FBF1: variants seen among roughly 807,000 people sequenced by gnomAD.
FBF1 encodes fas-binding factor 1.
In FBF1, 119 loss-of-function variants were observed where a neutral mutation model predicts 147.2. The observed-to-expected ratio is 0.81, with a 90% CI of 0.70 to 0.94. The LOEUF (loss-of-function observed/expected upper bound fraction) is 0.94, where lower values mean the gene tolerates loss of function less well. Ranked by LOEUF, FBF1 falls within the 40% of genes least tolerant of loss-of-function variation. FBF1 has a pLI of 0.00. For missense variants in FBF1, 1,449 were observed against 1,500.8 expected (o/e 0.97, Z 0.57); for synonymous variants, 601 against 609.0 (o/e 0.99, Z 0.19).
In FBF1 at chr17:75,920,273, C is replaced by G. The variant is rs545772774; in HGVS notation, c.1830+1G>C. On this transcript the variant is annotated splice_donor_variant, in intron 18 of 29. Transcript: ENST00000636174. LOFTEE classifies it high-confidence loss of function. The stretch of plus-strand genomic sequence containing the variant: ...GCACCAACGGCCCCGCTGCCCCTCA[C>G]CTGGGCCTCCAGCTCTGCCAGCCGG... 1.2e-6 allele frequency: 2 copies of G among 1,608,936 alleles called. No homozygotes were observed. The highest frequency in any genetic ancestry group is 1.7e-6 in the Non-Finnish European group (2 of 1,177,862).
Position 75,919,794 on chromosome 17 carries a change from C to G in FBF1, c.2012G>C (p.Arg671Pro), listed in dbSNP as rs201543003. Residue 671 changes from arginine to proline, a missense_variant, in exon 20 of 30, where the codon CGG becomes CCG. Physicochemically the swap from Arg to Pro is moderately radical, Grantham distance 103 (BLOSUM62 -2). Coordinates refer to ENST00000636174, the MANE Select transcript of FBF1 (RefSeq NM_001319193.2). The surrounding 1 kb of genome is among the most constrained non-coding windows in gnomAD (Gnocchi z 5.0). ...LRRENEELSA[R>P]YLSQCQEAEQ... ...GGCCTCCTGGCACTGCGACAGATAC[C>G]GAGCTGACAGCTCTTCGTTCTCTCT... 3 of 1,613,768 alleles carry G rather than the reference C, an allele frequency of 1.9e-6. No homozygotes were observed. The highest frequency in any genetic ancestry group is 1.6e-4 in the Middle Eastern group (1 of 6,062).
intron 1 of FBF1, among the ~76,000 whole-genome samples, chr17:75,940,333 C>A (rs964212729): frequency 2.0e-5 from 3 of 151,850 alleles, no homozygotes; most frequent in Non-Finnish European, 4.4e-5. Context: ...CTTACTGCAG[C>A]CTCGACCTCC....
chr17:75,910,207 A>C lies in FBF1; in HGVS notation c.*516T>G. 1 of 376,674 alleles carries C rather than the reference A, an allele frequency of 2.7e-6. No homozygotes were observed. The highest frequency in any genetic ancestry group is 5.2e-6 in the Non-Finnish European group (1 of 193,508). 23.3% of individuals were successfully genotyped at this position (376,674 alleles called of 1,614,324 possible). A position where few individuals can be genotyped will look rare whatever the true frequency, so the allele number is the denominator to read the frequency against. ...CCAGGAACATCTCACACCACAAGGG[A>C]GGATCTAGCTGGTGCCCTCCCTGTA... On this transcript the variant is annotated 3_prime_UTR_variant, in exon 30 of 30. Transcript: ENST00000636174. The surrounding 1 kb of genome is among the most constrained non-coding windows in gnomAD (Gnocchi z 4.1).
In FBF1 at chr17:75,921,256, G is replaced by A. The variant is rs199995591; in HGVS notation, c.1662C>T (p.Ser554=). ...FPSTQKPTEP[S]VPVQPLLPES... Reference sequence around the variant, plus strand: ...CCCACACCCCTACCTGGACGGGCACGGAAGGCTCTGTGGGTTTCTGGGTGC... The same window carrying A: ...CCCACACCCCTACCTGGACGGGCACAGAAGGCTCTGTGGGTTTCTGGGTGC... The change falls in exon 17 of 30, where the codon TCC becomes TCT. Residue 554 remains serine, a synonymous_variant. Coordinates refer to ENST00000636174, the MANE Select transcript of FBF1 (RefSeq NM_001319193.2). 64 of 1,589,778 alleles carry A rather than the reference G, an allele frequency of 4.0e-5. 1 individual carries two copies. In the Admixed American group the frequency reaches 5.5e-4, roughly 14 times the overall value.
At chr17:75,929,945 A>AGGGGGGGCCCC in intron 7 of FBF1, 52 bp downstream of exon 7, 1 of 650,910 alleles carries the variant, frequency 1.5e-6, no homozygotes, top group Non-Finnish European at 2.8e-6. Context: ...AAATATCATG[A>AGGGGGGGCCCC]CCCCACCCCA....
At position 75,927,418 on chromosome 17, in the gene FBF1, C is replaced by T. The variant is rs781706386; in HGVS notation, c.475+37G>A. 10 of 1,547,438 alleles carry T rather than the reference C, an allele frequency of 6.5e-6. No homozygotes were observed. In the East Asian group the frequency reaches 2.4e-4, roughly 37 times the overall value. ...TGCCTAGGCTGCTCCACTCCCAAAC[C>T]AGAGTGTCCCAGAGGCATGACAGGA... On this transcript the variant is annotated intron_variant, in intron 9 of 29. Transcript: ENST00000636174.
Position 75,923,506 on chromosome 17 carries a change from G to C in FBF1, c.1104C>G (p.Asp368Glu). Residue 368 changes from aspartate (D) to glutamate (E), a missense_variant, in exon 14 of 30, where the codon GAC becomes GAG. Coordinates refer to ENST00000636174, the MANE Select transcript of FBF1 (RefSeq NM_001319193.2). The surrounding 1 kb of genome is among the most constrained non-coding windows in gnomAD (Gnocchi z 4.1). ...DWLGLKDEDLDLFPASPTREA... is the reference protein window; with the variant it reads ...DWLGLKDEDLELFPASPTREA... ...CTCTGGTGGGTGAGGCAGGGAACAG[G>C]TCCAAGTCCTCGTCCTTGAGGCCCA... is the stretch of plus-strand genomic sequence containing the variant. 1 of 1,606,766 alleles carries C rather than the reference G, an allele frequency of 6.2e-7. No homozygotes were observed. Among genetic ancestry groups the C allele is most frequent in the Non-Finnish European group, 8.5e-7 (1 of 1,176,972 alleles).
At chr17:75,938,411 T>C (rs901907379) in intron 1 of FBF1, among the ~76,000 whole-genome samples, 179 bp from the exon 2 acceptor site, 6 of 150,706 alleles carry the variant, frequency 4.0e-5, no homozygotes, top group Non-Finnish European at 4.4e-5. Context: ...AAACAAAAAT[T>C]AGCTGGGTGT....
chr17:75,934,019 G>T (rs1206464165), intron 4 of FBF1, among the ~76,000 whole-genome samples: 1 of 152,150 alleles, frequency 6.6e-6, no homozygotes, highest in Non-Finnish European at 1.5e-5. Flanking sequence ...TAAACATACA[G>T]TTACCATATG....
At position 75,938,479 on chromosome 17, in the gene FBF1, C is replaced by T. The variant is rs111886332; in HGVS notation, c.-83-247G>A. 8.7e-3 allele frequency among the ~76,000 whole-genome samples: 1,148 copies of T among 132,180 alleles called. 8 individuals carry two copies. Among genetic ancestry groups the T allele is most frequent in the Non-Finnish European group, 0.013 (852 of 65,220 alleles). The allele number at this position is 132,180 out of a possible 152,430, so 86.7% of individuals were successfully genotyped here. A position where few individuals can be genotyped will look rare whatever the true frequency, so the allele number is the denominator to read the frequency against. On this transcript the variant is annotated intron_variant, in intron 1 of 29. Coordinates refer to ENST00000636174, the MANE Select transcript of FBF1 (RefSeq NM_001319193.2). ...GCTGAGGCAAGAGACTCGTTTGAACCGGGGAGGTGGAAGCTGCAGTGAGCC... is the reference window on the plus strand; with the variant it reads ...GCTGAGGCAAGAGACTCGTTTGAACTGGGGAGGTGGAAGCTGCAGTGAGCC...
chr17:75,917,818 C>T lies in FBF1; in HGVS notation c.2419G>A (p.Asp807Asn). The T allele has an allele frequency of 1.9e-6, 3 of 1,607,740 alleles. No individual in the cohort carries two copies. The highest frequency in any genetic ancestry group is 2.5e-6 in the Non-Finnish European group (3 of 1,178,288). Residue 807 changes from aspartate to asparagine, a missense_variant, in exon 23 of 30, where the codon GAC becomes AAC. Coordinates refer to ENST00000636174, the MANE Select transcript of FBF1 (RefSeq NM_001319193.2). ...LQERLGQQQR[D>N]MEEERSRQQE... ...TGCCGGCTCCGCTCCTCCTCCATGT[C>T]CCGCTGCTGCTGGCCCAGCCGCTCC...
At chr17:75,932,949 T>C (rs1484253949) in intron 5 of FBF1, 46 bp downstream of exon 5, 2 of 1,384,626 alleles carry the variant, frequency 1.4e-6, no homozygotes, top group Non-Finnish European at 2.0e-6. Context: ...CAGAGAGCAT[T>C]TAGACTGAAG....
intron 27 of FBF1, 42 bp from the exon 28 acceptor site, chr17:75,913,861 G>A (rs1458166012): frequency 3.8e-6 from 6 of 1,567,632 alleles, no homozygotes; most frequent in African/African-American, 2.7e-5. Context: ...GCTGTGAGGT[G>A]GGAGGCTGGG....
chr17:75,933,735 A>T (rs1233927765), intron 4 of FBF1, among the ~76,000 whole-genome samples: 1 of 152,230 alleles, frequency 6.6e-6, no homozygotes, highest in Non-Finnish European at 1.5e-5. Flanking sequence ...CAAGTAACCC[A>T]ATTAAAAAGG....
intron 9 of FBF1, 121 bp from the exon 10 acceptor site, chr17:75,926,998 C>T (rs2065566171): frequency 2.2e-6 from 3 of 1,375,690 alleles, no homozygotes; most frequent in Admixed American, 2.3e-5. Context: ...AAACAAGCCC[C>T]CTGGCATCTG....
intron 9 of FBF1, 108 bp from the exon 10 acceptor site, chr17:75,926,985 CAT>C: frequency 7.0e-7 from 1 of 1,434,444 alleles, no homozygotes. Flanking sequence ...TGCTCCAGTA[CAT>C]AAACAAGCCC....
In FBF1 at chr17:75,915,068, C is replaced by T. The variant is rs2065480432; in HGVS notation, c.2577G>A (p.Lys859=). ...SMQRALEEQR[K]VTAQQMAMER... is the part of the protein sequence containing the mutation. ...CCATGGCCATCTGCTGGGCCGTGAC[C>T]TTCCTTTGCTCCTCTAGGGCGCGCT... is the stretch of plus-strand genomic sequence containing the variant. Residue 859 remains lysine (K), a synonymous_variant, in exon 24 of 30, where the codon AAG becomes AAA. Coordinates refer to ENST00000636174, the MANE Select transcript of FBF1 (RefSeq NM_001319193.2). The T allele has an allele frequency of 3.1e-6, 5 of 1,613,520 alleles. No homozygotes were observed. The East Asian group carries it at 1.1e-4, about 36-fold the overall frequency.
At chr17:75,926,462 T>C (rs1052679119) in intron 10 of FBF1, 36 bp from the exon 11 acceptor site, 5 of 1,513,952 alleles carry the variant, frequency 3.3e-6, no homozygotes, top group Non-Finnish European at 4.4e-6. Flanking sequence ...CCTGCAGCCT[T>C]CTTGCCCTCA....
chr17:75,922,359 T>G lies in FBF1; in HGVS notation c.1425-313A>C, dbSNP rs748446847. On this transcript the variant is annotated intron_variant, in intron 14 of 29. Coordinates refer to ENST00000636174, the MANE Select transcript of FBF1 (RefSeq NM_001319193.2). The surrounding 1 kb of genome is among the most constrained non-coding windows in gnomAD (Gnocchi z 5.0). ...GTTCAGAGCCCTGTTCCAGTCCACTTAACTTGGCTCAGCTCTAGATTAGGA... is the reference window on the plus strand; with the variant it reads ...GTTCAGAGCCCTGTTCCAGTCCACTGAACTTGGCTCAGCTCTAGATTAGGA... Among the ~76,000 whole-genome samples, 2 of 152,204 alleles carry G rather than the reference T, an allele frequency of 1.3e-5. No individual in the cohort carries two copies. Among genetic ancestry groups the G allele is most frequent in the African/African-American group, 4.8e-5 (2 of 41,442 alleles).
Sources: gnomAD v4.1 joint callset for allele counts (sites outside exome capture counted in the v4.1 genomes callset) on GRCh38, gnomAD v4.1.1 for gene constraint, Gnocchi (gnomAD v3.1) non-coding constraint, MANE v1.5 for transcripts, NCBI Gene and HGNC (gene_info 2026-07-23, HGNC 2026-07-21) for gene names.